The following PCSK1 variants were observed in gnomAD, a reference collection of about 807,000 sequenced individuals.
PCSK1 encodes neuroendocrine convertase 1.
In PCSK1, 56 loss-of-function variants were observed where a neutral mutation model predicts 90.6. That is an observed-to-expected ratio of 0.62 (90% CI 0.50 to 0.77). The LOEUF (loss-of-function observed/expected upper bound fraction) is 0.77. Among genes scored for constraint, PCSK1 ranks in the 30% least tolerant of loss-of-function variants. The pLI, the probability that PCSK1 is intolerant of heterozygous loss-of-function variation, is 0.00. For synonymous variants in PCSK1, 348 were observed against 342.4 expected, an observed-to-expected ratio of 1.02 and a Z score of -0.18; for missense variants, 801 against 932.6, an observed-to-expected ratio of 0.86 and a Z score of 1.84.
In PCSK1 at chr5:96,392,830, C is replaced by A; in HGVS notation, c.*171G>T. On this transcript the variant is annotated 3_prime_UTR_variant, in exon 14 of 14. Coordinates refer to ENST00000311106, the MANE Select transcript of PCSK1 (RefSeq NM_000439.5). ...TGATCAATTCTGGAAGTTGAACTTCCTGCTTGAGCTCATCCCCTTCACATG... is the reference window on the plus strand; with the variant it reads ...TGATCAATTCTGGAAGTTGAACTTCATGCTTGAGCTCATCCCCTTCACATG... The A allele has an allele frequency of 1.4e-6, 1 of 691,986 alleles. No individual in the cohort carries two copies. Among genetic ancestry groups the A allele is most frequent in the Non-Finnish European group, 2.5e-6 (1 of 394,722 alleles). 42.9% of individuals were successfully genotyped at this position (691,986 alleles called of 1,614,324 possible). A position where few individuals can be genotyped will look rare whatever the true frequency, so the allele number is the denominator to read the frequency against.
intron 3 of PCSK1, 39 bp downstream of exon 3, chr5:96,425,781 C>T: frequency 1.8e-6 from 2 of 1,136,742 alleles, no homozygotes; most frequent in Non-Finnish European, 2.7e-6. Context: ...GAAGCCAGGT[C>T]CCAGGTCCCA....
At chr5:96,393,775 A>G (rs1206677602) in intron 13 of PCSK1, among the ~76,000 whole-genome samples, 3 of 152,336 alleles carry the variant, frequency 2.0e-5, no homozygotes, top group African/African-American at 7.2e-5. Context: ...GAAGGCACCC[A>G]CTGGTTGCGG....
chr5:96,415,978 G>T, intron 6 of PCSK1, 55 bp downstream of exon 6: 1 of 1,073,548 alleles, frequency 9.3e-7, no homozygotes, highest in Non-Finnish European at 1.5e-6. Context: ...TTTACAATGG[G>T]TGATGTAAGC....
At position 96,396,289 on chromosome 5, in the gene PCSK1, G is replaced by A. The variant is rs371565143; in HGVS notation, c.1722+1047C>T. Among the ~76,000 whole-genome samples the A allele has an allele frequency of 2.2e-4, 34 of 152,238 alleles. 1 individual carries two copies. The highest frequency in any genetic ancestry group is 6.3e-4 in the African/African-American group (26 of 41,540). ...TCAAAAAGTTATCTAGGCCGGGTGT[G>A]GTGGCTTACACCTGTAATCCCACCA... On this transcript the variant is annotated intron_variant, in intron 12 of 13. Coordinates refer to ENST00000311106, the MANE Select transcript of PCSK1 (RefSeq NM_000439.5).
At chr5:96,418,293 A>T (rs572505080) in intron 5 of PCSK1, among the ~76,000 whole-genome samples, 1 of 152,260 alleles carries the variant, frequency 6.6e-6, no homozygotes, top group East Asian at 1.9e-4. Flanking sequence ...ACTTTCTATT[A>T]TCTTAGAACA....
intron 9 of PCSK1, among the ~76,000 whole-genome samples, chr5:96,401,113 G>A (rs201001191): frequency 4.8e-3 from 404 of 84,908 alleles, no homozygotes; most frequent in Non-Finnish European, 5.5e-3. Context: ...AAAAAAAAAA[G>A]AAGTTTACAA....
chr5:96,432,712 C>G (rs1305697766), intron 1 of PCSK1, 151 bp downstream of exon 1: 1 of 662,790 alleles, frequency 1.5e-6, no homozygotes, highest in Non-Finnish European at 2.7e-6. Context: ...TCTCTCCAAG[C>G]GCGACAGGGG....
Position 96,398,911 on chromosome 5 carries a change from C to T in PCSK1, c.1556G>A (p.Gly519Glu). The T allele has an allele frequency of 6.2e-7, 1 of 1,613,682 alleles. No individual in the cohort carries two copies. The highest frequency in any genetic ancestry group is 8.5e-7 in the Non-Finnish European group (1 of 1,179,654). Residue 519 changes from glycine to glutamate, a missense_variant, in exon 11 of 14, where the codon GGA (glycine) becomes GAA (glutamate). Transcript: ENST00000311106. ...FEATIEYSRR[G>E]DLHVTLTSAA... ...AGAAGTAAGTGTGACATGAAGGTCT[C>T]CTCTTCGGGAATATTCAATTGTTGC...
rs542914636 is a variant in PCSK1 at position 96,422,502 on chromosome 5, C to G, written c.544-546G>C. On this transcript the variant is annotated intron_variant, in intron 4 of 13. Transcript: ENST00000311106. ...CAAGACAAGCTTCCAGGCTCCACTCCCTTTTCCAACCCAATAGCTACACTT... is the reference window on the plus strand; with the variant it reads ...CAAGACAAGCTTCCAGGCTCCACTCGCTTTTCCAACCCAATAGCTACACTT... 1.1e-4 allele frequency among the ~76,000 whole-genome samples: 17 copies of G among 152,276 alleles called. 1 individual carries two copies. The highest frequency in any genetic ancestry group is 3.4e-3 in the Middle Eastern group (1 of 294).
At chr5:96,409,493 A>T (rs998408913) in intron 8 of PCSK1, among the ~76,000 whole-genome samples, 1 of 152,192 alleles carries the variant, frequency 6.6e-6, no homozygotes, top group Non-Finnish European at 1.5e-5. Flanking sequence ...GACTGTCTCA[A>T]ATAGAATCCA....
At chr5:96,426,417 G>A (rs1359301862) in intron 2 of PCSK1, among the ~76,000 whole-genome samples, 3 of 152,112 alleles carry the variant, frequency 2.0e-5, no homozygotes, top group Non-Finnish European at 4.4e-5. Flanking sequence ...TAAGAATGGT[G>A]CTGTATCCAT....
intron 6 of PCSK1, among the ~76,000 whole-genome samples, chr5:96,414,291 A>G (rs1400841606): frequency 6.6e-6 from 1 of 152,178 alleles, no homozygotes; most frequent in Non-Finnish European, 1.5e-5. Context: ...GCAGCCACCA[A>G]TCCACAGGCT....
chr5:96,392,686 T>G lies in PCSK1; in HGVS notation c.*315A>C, dbSNP rs1759985251. 3.8e-6 allele frequency: 1 copy of G among 263,954 alleles called. No individual in the cohort carries two copies. Among genetic ancestry groups the G allele is most frequent in the Non-Finnish European group, 7.1e-6 (1 of 140,468 alleles). 16.4% of individuals were successfully genotyped at this position (263,954 alleles called of 1,614,324 possible). ...AGGTTTTGCCTTTTCTTTTGAGAAT[T>G]GAAATGGGCTCTAATGCAGTGTTCT... On this transcript the variant is annotated 3_prime_UTR_variant, in exon 14 of 14. Coordinates refer to ENST00000311106, the MANE Select transcript of PCSK1 (RefSeq NM_000439.5).
At chr5:96,427,599 C>T (rs1761350366) in intron 2 of PCSK1, among the ~76,000 whole-genome samples, 1 of 152,110 alleles carries the variant, frequency 6.6e-6, no homozygotes, top group South Asian at 2.1e-4. Flanking sequence ...CACCCCTCCC[C>T]CACCAAATCA....
At position 96,410,946 on chromosome 5, in the gene PCSK1, C is replaced by T. The variant is rs990328651; in HGVS notation, c.923G>A (p.Gly308Glu). The change falls in exon 8 of 14, where the codon GGA (glycine) becomes GAA (glutamate). Residue 308 changes from glycine to glutamate, a missense_variant. Transcript: ENST00000311106. ...ATTATCTCCCTGACGCCCCCCGTTT[C>T]CCGAAGCCCAGACGAAGATGGACCC... ...GKGSIFVWAS[G>E]NGGRQGDNCD... The T allele has an allele frequency of 4.3e-6, 7 of 1,613,992 alleles. No individual in the cohort carries two copies. The highest frequency in any genetic ancestry group is 3.4e-6 in the Non-Finnish European group (4 of 1,180,002).
At chr5:96,414,061 C>T (rs930623703) in intron 6 of PCSK1, among the ~76,000 whole-genome samples, 5 of 148,784 alleles carry the variant, frequency 3.4e-5, no homozygotes, top group African/African-American at 1.0e-4. Flanking sequence ...ATGGCATGAA[C>T]CCGGGAGGCG....
rs188227686 is a variant in PCSK1, at chr5:96,397,553, G to A, written c.1589-84C>T. On this transcript the variant is annotated intron_variant, in intron 11 of 13. Transcript: ENST00000311106. ...TAGCATCTGATAACTGAAAATAAAA[G>A]CTGAAAAAGATGAGTTCTCCTAATT... 2,880 of 1,314,210 alleles carry A rather than the reference G, an allele frequency of 2.2e-3. 40 individuals carry two copies. Among genetic ancestry groups the A allele is most frequent in the East Asian group, 2.1e-3 (92 of 43,104 alleles). The allele number at this position is 1,314,210 out of a possible 1,614,324, so 81.4% of individuals were successfully genotyped here. A position where few individuals can be genotyped will look rare whatever the true frequency, so the allele number is the denominator to read the frequency against.
At chr5:96,396,911 T>G (rs1760170640) in intron 12 of PCSK1, among the ~76,000 whole-genome samples, 1 of 152,234 alleles carries the variant, frequency 6.6e-6, no homozygotes, top group South Asian at 2.1e-4. Context: ...TTAAGCTACA[T>G]CTAAATAGCT....
At chr5:96,405,026 G>C (rs1349284208) in intron 9 of PCSK1, among the ~76,000 whole-genome samples, 2 of 152,120 alleles carry the variant, frequency 1.3e-5, no homozygotes. Flanking sequence ...TCTCATTCTT[G>C]AGTGCCTTGG....
Sources: gnomAD v4.1 joint callset for allele counts (sites outside exome capture counted in the v4.1 genomes callset) on GRCh38, gnomAD v4.1.1 for gene constraint, MANE v1.5 for transcripts, NCBI Gene and HGNC (gene_info 2026-07-23, HGNC 2026-07-21) for gene names.